Variants in SLC41A3 observed in about 807,000 individuals in gnomAD.
SLC41A3 encodes SLC41A1-like 2.
A neutral mutation model predicts 45.4 loss-of-function variants in SLC41A3; 44 were observed. That is an observed-to-expected ratio of 0.97 (90% CI 0.76 to 1.25). The LOEUF is 1.25. Among genes scored for constraint, SLC41A3 ranks in the 50% most tolerant of loss-of-function variants. SLC41A3 has a pLI of 0.00. For missense variants in SLC41A3, 550 were observed against 600.6 expected, an observed-to-expected ratio of 0.92 and a Z score of 0.88; for synonymous variants, 256 against 252.4, an observed-to-expected ratio of 1.01 and a Z score of -0.13.
At chr3:126,086,319 C>T (rs187223963), upstream of SLC41A3, among the ~76,000 whole-genome samples, 4 of 151,528 alleles carry the variant, frequency 2.6e-5, no homozygotes, top group Admixed American at 2.6e-4. Context: ...TCTATATTTT[C>T]TGCCTGCTTT....
intron 3 of SLC41A3, among the ~76,000 whole-genome samples, chr3:126,043,826 AAAC>A: frequency 4.4e-5 from 1 of 22,842 alleles, no homozygotes; most frequent in East Asian, 4.7e-3. Context: ...AAAAACAAAA[AAAC>A]AAAAAAAAAA....
rs544216706 is a variant in SLC41A3 at position 126,098,840 on chromosome 3, C to T, written c.-79+2589G>A. 2.0e-4 allele frequency among the ~76,000 whole-genome samples: 31 copies of T among 152,276 alleles called. No individual in the cohort carries two copies. In the South Asian group the frequency reaches 6.4e-3, roughly 32 times the overall value. On this transcript the variant is annotated intron_variant, in intron 1 of 9. Coordinates refer to the SLC41A3 transcript ENST00000508835. ...TTTCCCCTCCACTGCTGGCAGGTGGCCCTCTGGGAACAGGCCCCAGTGGTG... is the reference window on the plus strand; with the variant it reads ...TTTCCCCTCCACTGCTGGCAGGTGGTCCTCTGGGAACAGGCCCCAGTGGTG...
At chr3:126,080,175 C>T (rs1945080511) in intron 1 of SLC41A3, among the ~76,000 whole-genome samples, 1 of 152,028 alleles carries the variant, frequency 6.6e-6, no homozygotes, top group Non-Finnish European at 1.5e-5. Flanking sequence ...TTGTGTAAGA[C>T]CTCAAAAACA....
intron 3 of SLC41A3, among the ~76,000 whole-genome samples, chr3:126,038,076 G>A (rs1942332980): frequency 1.3e-5 from 2 of 152,240 alleles, no homozygotes; most frequent in Non-Finnish European, 1.5e-5. Context: ...GTCTGTCAGT[G>A]CATGGAATGC....
intron 5 of SLC41A3, chr3:126,024,190 A>G (rs1941151268): frequency 6.6e-6 from 1 of 152,252 alleles, no homozygotes; most frequent in Admixed American, 6.5e-5. Context: ...AGCCATGGAC[A>G]ATACAGATTT....
chr3:126,084,945 T>G (rs1328799279), upstream of SLC41A3, among the ~76,000 whole-genome samples: 1 of 152,216 alleles, frequency 6.6e-6, no homozygotes, highest in African/African-American at 2.4e-5. Context: ...ACACAGACTT[T>G]AAGTCTGATA....
intron 5 of SLC41A3, 125 bp from the exon 6 acceptor site, chr3:126,023,057 C>A: frequency 7.6e-7 from 1 of 1,323,136 alleles, no homozygotes; most frequent in Admixed American, 2.2e-5. Context: ...GGAGGCTGCT[C>A]ATTAACTTGC....
intron 4 of SLC41A3, among the ~76,000 whole-genome samples, chr3:126,032,428 T>C (rs1030524789): frequency 6.6e-6 from 1 of 152,178 alleles, no homozygotes; most frequent in Non-Finnish European, 1.5e-5. Context: ...GTTTCTGGTG[T>C]GGTTACTGGG....
chr3:126,016,680 C>A, intron 7 of SLC41A3, 51 bp downstream of exon 7: 1 of 1,564,720 alleles, frequency 6.4e-7, no homozygotes, highest in Non-Finnish European at 8.6e-7. Flanking sequence ...GTTCTAGGGG[C>A]CTTCATGGCT....
At chr3:126,007,320 G>A in intron 10 of SLC41A3, 95 bp from the exon 11 acceptor site, 8 of 1,372,320 alleles carry the variant, frequency 5.8e-6, no homozygotes, top group Middle Eastern at 4.3e-4. Context: ...AGATACCAAG[G>A]TGGACAGGTC....
chr3:126,085,774 C>G (rs562571107), upstream of SLC41A3, among the ~76,000 whole-genome samples: 1 of 151,924 alleles, frequency 6.6e-6, no homozygotes, highest in African/African-American at 2.4e-5. Context: ...ATTTGCTCCT[C>G]CCAGCCAAAA....
In SLC41A3 at chr3:126,026,867, G is replaced by T. The variant is rs1459898220; in HGVS notation, c.454-388C>A. ...AGACAACACACCTCACTTGCCATGT[G>T]GTGTACCCCACGACACAGAGCAGTC... On this transcript the variant is annotated intron_variant, in intron 4 of 10. Transcript: ENST00000360370. The surrounding 1 kb of genome is among the most constrained non-coding windows in gnomAD (Gnocchi z 4.2). 6.6e-6 allele frequency among the ~76,000 whole-genome samples: 1 copy of T among 152,120 alleles called. No homozygotes were observed. The highest frequency in any genetic ancestry group is 1.5e-5 in the Non-Finnish European group (1 of 68,020).
At position 126,050,999 on chromosome 3, in the gene SLC41A3, G is replaced by A; in HGVS notation, c.325C>T (p.Leu109=). The part of the protein sequence containing the change: ...VKDLLTLVPP[L]VGLKGNLEMT... ...TCCAGGTTCCCCTTCAGGCCCACCAGGGGCGGCACCAATGTCAAAAGGTCT... is the reference window on the plus strand; with the variant it reads ...TCCAGGTTCCCCTTCAGGCCCACCAAGGGCGGCACCAATGTCAAAAGGTCT... The change falls in exon 3 of 11, where the codon CTG becomes TTG. Residue 109 remains leucine, a synonymous_variant. Transcript: ENST00000360370. 6.2e-7 allele frequency: 1 copy of A among 1,612,610 alleles called. No homozygotes were observed. The highest frequency in any genetic ancestry group is 8.5e-7 in the Non-Finnish European group (1 of 1,179,346).
At chr3:126,015,682 C>T (rs1431661703) in intron 7 of SLC41A3, 109 bp from the exon 8 acceptor site, 7 of 1,036,454 alleles carry the variant, frequency 6.8e-6, no homozygotes, top group Non-Finnish European at 8.9e-6. Context: ...CCTTGGCTGT[C>T]ACTCTCCTCT....
intron 2 of SLC41A3, among the ~76,000 whole-genome samples, chr3:126,058,793 A>G (rs1429715505): frequency 2.6e-5 from 4 of 152,136 alleles, no homozygotes; most frequent in Admixed American, 1.3e-4. Flanking sequence ...TTGCAAGTAC[A>G]TGGTCATATG....
rs35447492 is a variant in SLC41A3, at chr3:126,045,356, C to CAAA, written c.381+5584_381+5586dup. On this transcript the variant is annotated intron_variant, in intron 3 of 10. Coordinates refer to ENST00000360370, the MANE Select transcript of SLC41A3 (RefSeq NM_017836.4). ...TGAAACTAAGAATTGATTGGTTCCT[C>CAAA]AAAAAAAAAAAAATCAATTCAAAAG... is the stretch of plus-strand genomic sequence containing the variant. Among the ~76,000 whole-genome samples, 30 of 145,520 alleles carry CAAA rather than the reference C, an allele frequency of 2.1e-4. No homozygotes were observed. In the East Asian group the frequency reaches 2.8e-3, roughly 13 times the overall value.
intron 2 of SLC41A3, among the ~76,000 whole-genome samples, chr3:126,059,287 A>AGAGAGAGAGAAAG (rs1476177763): frequency 7.9e-6 from 1 of 127,266 alleles, no homozygotes; most frequent in East Asian, 2.3e-4. Flanking sequence ...AGAAAGAAAG[A>AGAGAGAGAGAAAG]AAGAAAGAAA....
intron 3 of SLC41A3, among the ~76,000 whole-genome samples, chr3:126,044,635 C>T (rs1452292835): frequency 1.3e-5 from 2 of 152,060 alleles, no homozygotes; most frequent in African/African-American, 4.8e-5. Flanking sequence ...GTGGCTCACG[C>T]CTGTAATCCC....
chr3:126,030,838 T>A (rs967937215), intron 4 of SLC41A3, among the ~76,000 whole-genome samples: 2 of 152,268 alleles, frequency 1.3e-5, no homozygotes, highest in African/African-American at 4.8e-5. Context: ...TTGACAAGTA[T>A]GTGAGAAAAT....
Sources: allele counts gnomAD v4.1 joint callset (sites outside exome capture counted in the v4.1 genomes callset), GRCh38; gene constraint gnomAD v4.1.1; non-coding constraint Gnocchi (gnomAD v3.1); transcripts MANE v1.5; gene names NCBI Gene and HGNC (gene_info 2026-07-23, HGNC 2026-07-21).